PCDH9: variants seen among roughly 807,000 people sequenced by gnomAD.
PCDH9 encodes protocadherin 9, also known as protocadherin-9.
A neutral mutation model predicts 70.6 loss-of-function variants in PCDH9; 24 were observed. That is an observed-to-expected ratio of 0.34 (90% CI 0.25 to 0.48). The LOEUF (loss-of-function observed/expected upper bound fraction) is 0.48, where lower values mean the gene tolerates loss of function less well. PCDH9 is among the 20% of genes least tolerant of loss of function. The pLI is 0.99. For missense variants in PCDH9, 1,281 were observed against 1,503.6 expected (o/e 0.85, Z 2.45); for synonymous variants, 562 against 558.5 (o/e 1.01, Z -0.09).
chr13:66,831,785 A>G (rs1561768), intron 3 of PCDH9, among the ~76,000 whole-genome samples: 51,239 of 151,932 alleles, frequency 0.34, 9,609 homozygotes, highest in Non-Finnish European at 0.43. Context: ...TTTTGGGGTT[A>G]CAATTAGTGG....
intron 4 of PCDH9, among the ~76,000 whole-genome samples, chr13:66,528,225 C>T (rs183133552): frequency 1.1e-4 from 17 of 152,200 alleles, no homozygotes; most frequent in African/African-American, 3.9e-4. Context: ...TTTATAATTT[C>T]CGAAAGATCC....
intron 4 of PCDH9, among the ~76,000 whole-genome samples, chr13:66,505,517 G>A (rs975071548): frequency 1.2e-4 from 18 of 151,590 alleles, no homozygotes. Context: ...TTGGGACACA[G>A]AGCCAAACCA....
chr13:66,612,686 G>A (rs2077307280), intron 4 of PCDH9, among the ~76,000 whole-genome samples: 1 of 152,154 alleles, frequency 6.6e-6, no homozygotes, highest in Admixed American at 6.6e-5. Context: ...GCCCACTGAA[G>A]GGGAGCCTGG....
chr13:66,395,499 C>T (rs1008294795), intron 4 of PCDH9, among the ~76,000 whole-genome samples: 1 of 151,930 alleles, frequency 6.6e-6, no homozygotes, highest in African/African-American at 2.4e-5. Context: ...TACTCGGGAA[C>T]TAAGACAGGA....
chr13:66,375,008 T>C (rs1956723218), intron 4 of PCDH9, among the ~76,000 whole-genome samples: 1 of 152,074 alleles, frequency 6.6e-6, no homozygotes, highest in Non-Finnish European at 1.5e-5. Context: ...TTGTTAAGTA[T>C]AACTCAGGAA....
intron 4 of PCDH9, among the ~76,000 whole-genome samples, chr13:66,379,059 C>A (rs922157661): frequency 1.3e-5 from 2 of 152,162 alleles, no homozygotes; most frequent in Non-Finnish European, 2.9e-5. Flanking sequence ...GGAAGTATCC[C>A]AACAATCTGT....
intron 3 of PCDH9, among the ~76,000 whole-genome samples, chr13:66,859,869 T>A (rs1347322116): frequency 6.6e-6 from 1 of 152,162 alleles, no homozygotes; most frequent in Non-Finnish European, 1.5e-5. Context: ...ATACAAAAGT[T>A]AACTTGTTTG....
intron 4 of PCDH9, among the ~76,000 whole-genome samples, chr13:66,580,675 A>ATATT: frequency 6.6e-6 from 1 of 151,936 alleles, no homozygotes; most frequent in Non-Finnish European, 1.5e-5. Context: ...CACACTGTAC[A>ATATT]GCTTAGCATT....
intron 2 of PCDH9, among the ~76,000 whole-genome samples, chr13:67,099,249 T>G (rs563123239): frequency 1.1e-4 from 16 of 152,366 alleles, no homozygotes; most frequent in Non-Finnish European, 1.9e-4. Context: ...AACTTGTAAC[T>G]ACGTCTGGTT....
At chr13:66,730,876 GTTTTT>G (rs758928616) in intron 3 of PCDH9, among the ~76,000 whole-genome samples, 1 of 46,358 alleles carries the variant, frequency 2.2e-5, no homozygotes, top group African/African-American at 7.5e-5. Flanking sequence ...GTGTGTGTGT[GTTTTT>G]TTTTTGTTTG....
intron 2 of PCDH9, among the ~76,000 whole-genome samples, chr13:67,136,430 C>T (rs1342165677): frequency 1.3e-5 from 2 of 152,138 alleles, no homozygotes; most frequent in African/African-American, 4.8e-5. Flanking sequence ...ACTGCAGTGC[C>T]TGTTTCTCTT....
intron 4 of PCDH9, among the ~76,000 whole-genome samples, chr13:66,344,417 T>G (rs1244909799): frequency 6.6e-6 from 1 of 152,154 alleles, no homozygotes; most frequent in Admixed American, 6.5e-5. Flanking sequence ...TAAGCTACCA[T>G]GCCCGGCCAA....
At chr13:67,024,266 A>G (rs2084735680) in intron 2 of PCDH9, among the ~76,000 whole-genome samples, 1 of 152,192 alleles carries the variant, frequency 6.6e-6, no homozygotes, top group South Asian at 2.1e-4. Context: ...ACAAAGGTTG[A>G]CCAAAAATTG....
chr13:66,931,713 C>A (rs903773334), intron 2 of PCDH9, among the ~76,000 whole-genome samples: 6 of 152,196 alleles, frequency 3.9e-5, no homozygotes, highest in African/African-American at 1.4e-4. Context: ...TTGCCTGTGT[C>A]AAGTCCTCAA....
chr13:66,391,212 A>G (rs1957011736), intron 4 of PCDH9, among the ~76,000 whole-genome samples: 3 of 152,206 alleles, frequency 2.0e-5, no homozygotes, highest in Non-Finnish European at 4.4e-5. Context: ...AATAGTAACC[A>G]CAATTTCAAG....
intron 4 of PCDH9, among the ~76,000 whole-genome samples, chr13:66,365,630 T>C (rs1956541648): frequency 6.6e-6 from 1 of 152,186 alleles, no homozygotes; most frequent in Admixed American, 6.5e-5. Context: ...AATAGACTTA[T>C]TAAGTTAAAA....
intron 4 of PCDH9, among the ~76,000 whole-genome samples, chr13:66,445,090 T>C (rs1459108566): frequency 6.8e-6 from 1 of 147,200 alleles, no homozygotes; most frequent in Non-Finnish European, 1.5e-5. Context: ...TCATATATAA[T>C]ATTATATATA....
intron 4 of PCDH9, among the ~76,000 whole-genome samples, chr13:66,445,766 C>CGT: frequency 7.1e-6 from 1 of 141,284 alleles, no homozygotes; most frequent in Middle Eastern, 4.1e-3. Flanking sequence ...AATACATACA[C>CGT]ATATATATTA....
At chr13:66,826,947 G>A (rs769035930) in intron 3 of PCDH9, among the ~76,000 whole-genome samples, 45 of 152,150 alleles carry the variant, frequency 3.0e-4, no homozygotes, top group Non-Finnish European at 6.2e-4. Flanking sequence ...ACCTGTAAAT[G>A]CTACCTTATA....
Sources: gnomAD v4.1 joint callset for allele counts (sites outside exome capture counted in the v4.1 genomes callset) on GRCh38, gnomAD v4.1.1 for gene constraint, MANE v1.5 for transcripts, NCBI Gene and HGNC (gene_info 2026-07-23, HGNC 2026-07-21) for gene names.